PDE8B: variants seen among roughly 807,000 people sequenced by gnomAD.
PDE8B encodes phosphodiesterase 8B.
In PDE8B, 26 loss-of-function variants were observed where a neutral mutation model predicts 101.3. The ratio of observed to expected loss-of-function variants is 0.26; its 90% CI spans 0.19 to 0.36. The LOEUF is 0.36. PDE8B is among the 10% of genes least tolerant of loss of function. The pLI, the probability that PDE8B is intolerant of heterozygous loss-of-function variation, is 1.00. For missense variants in PDE8B, 810 were observed against 1,163.1 expected, an observed-to-expected ratio of 0.70 and a Z score of 4.42; for synonymous variants, 424 against 429.3, an observed-to-expected ratio of 0.99 and a Z score of 0.15.
chr5:77,378,979 A>G (rs1786914905), intron 10 of PDE8B, among the ~76,000 whole-genome samples: 2 of 149,752 alleles, frequency 1.3e-5, no homozygotes, highest in Non-Finnish European at 3.0e-5. Context: ...GAGAGAAACT[A>G]GACAAGAGAA....
the PDE8B span, among the ~76,000 whole-genome samples, chr5:77,133,504 G>A: frequency 2.0e-5 from 3 of 152,218 alleles, no homozygotes; most frequent in Admixed American, 6.5e-5. Flanking sequence ...ATTGATATTT[G>A]TAGTGAGGTA....
chr5:77,245,311 C>A (rs1335931972), intron 1 of PDE8B, among the ~76,000 whole-genome samples: 1 of 152,106 alleles, frequency 6.6e-6, no homozygotes, highest in Non-Finnish European at 1.5e-5. Context: ...AATAAAATAA[C>A]TTTGTTTTTT....
At chr5:77,363,045 G>A (rs1783423509) in intron 10 of PDE8B, among the ~76,000 whole-genome samples, 1 of 152,336 alleles carries the variant, frequency 6.6e-6, no homozygotes, top group Admixed American at 6.5e-5. Flanking sequence ...GGAGCTCATG[G>A]AAGAGCCTAT....
the PDE8B span, among the ~76,000 whole-genome samples, chr5:77,181,702 G>C: frequency 6.6e-6 from 1 of 152,186 alleles, no homozygotes; most frequent in Non-Finnish European, 1.5e-5. Context: ...TTCCATGGAC[G>C]GTCGGTCGGG....
chr5:77,406,184 C>CTGAG (rs1793395604), intron 12 of PDE8B, among the ~76,000 whole-genome samples: 1 of 152,170 alleles, frequency 6.6e-6, no homozygotes, highest in South Asian at 2.1e-4. Context: ...ACTCAGGAGG[C>CTGAG]TGAGGCATGG....
At chr5:77,284,524 T>G (rs1015620761) in intron 1 of PDE8B, among the ~76,000 whole-genome samples, 5 of 152,204 alleles carry the variant, frequency 3.3e-5, no homozygotes, top group African/African-American at 1.2e-4. Flanking sequence ...AACAAAAGTT[T>G]AAAAGTCATA....
chr5:77,385,421 T>C (rs1323996766), intron 10 of PDE8B, among the ~76,000 whole-genome samples: 1 of 149,698 alleles, frequency 6.7e-6, no homozygotes, highest in Non-Finnish European at 1.5e-5. Context: ...ATCCAGCTCC[T>C]GGATTCATTG....
the PDE8B span, among the ~76,000 whole-genome samples, chr5:77,138,587 T>C: frequency 6.6e-6 from 1 of 152,210 alleles, no homozygotes; most frequent in Non-Finnish European, 1.5e-5. Flanking sequence ...ATGGAGTTTA[T>C]TTAGGAAAAA....
In PDE8B at chr5:77,211,137, G is replaced by A; in HGVS notation, c.212G>A (p.Arg71His). Residue 71 changes from arginine (R) to histidine (H), a missense_variant, in exon 1 of 22, where the codon CGC (arginine) becomes CAC (histidine). By Grantham distance (29) the Arg-to-His change is conservative (BLOSUM62 0). Transcript: ENST00000264917. This position sits in a 1 kb window ranked among gnomAD's most constrained non-coding sequence, Gnocchi z 4.1. The stretch of plus-strand genomic sequence containing the variant: ...AGCGTAGCCCGCGTCCGCAGGGCCC[G>A]CACCGAGCTGGGCAGCGGTAGCAGC... ...PPSVARVRRA[R>H]TELGSGSSAG... 1.3e-6 allele frequency: 2 copies of A among 1,523,230 alleles called. No homozygotes were observed. The highest frequency in any genetic ancestry group is 1.2e-5 in the South Asian group (1 of 83,070). 94.4% of individuals were successfully genotyped at this position (1,523,230 alleles called of 1,614,324 possible). A position where few individuals can be genotyped will look rare whatever the true frequency, so the allele number is the denominator to read the frequency against.
At chr5:77,190,668 A>G in the PDE8B span, among the ~76,000 whole-genome samples, 2 of 152,204 alleles carry the variant, frequency 1.3e-5, no homozygotes, top group African/African-American at 2.4e-5. Flanking sequence ...ACTGGTGTCA[A>G]TCATGGCTTT....
At chr5:77,407,150 G>A (rs1793637383) in intron 12 of PDE8B, among the ~76,000 whole-genome samples, 1 of 152,138 alleles carries the variant, frequency 6.6e-6, no homozygotes, top group Non-Finnish European at 1.5e-5. Flanking sequence ...TGGACTTGGG[G>A]CTCAGCAAGC....
At chr5:77,426,198 A>G in intron 21 of PDE8B, 1 of 594,606 alleles carries the variant, frequency 1.7e-6, no homozygotes, top group Non-Finnish European at 3.0e-6. Flanking sequence ...AACTCTAGAA[A>G]GAATGCAAAA....
At chr5:77,341,380 G>A (rs1357309581) in intron 6 of PDE8B, among the ~76,000 whole-genome samples, 3 of 152,092 alleles carry the variant, frequency 2.0e-5, no homozygotes, top group Admixed American at 2.0e-4. Flanking sequence ...ATGCTTTGTG[G>A]ATAATCATAA....
At chr5:77,301,299 A>T (rs1186145980) in intron 1 of PDE8B, among the ~76,000 whole-genome samples, 1 of 152,226 alleles carries the variant, frequency 6.6e-6, no homozygotes, top group Admixed American at 6.5e-5. Context: ...TATAATTGAA[A>T]TCCACAGGAA....
chr5:77,215,695 G>T (rs1177760236), intron 1 of PDE8B, among the ~76,000 whole-genome samples: 1 of 152,190 alleles, frequency 6.6e-6, no homozygotes, highest in African/African-American at 2.4e-5. Flanking sequence ...GTGAGGGCAG[G>T]GCAGATTCTG....
At chr5:77,218,046 G>A (rs754358224) in intron 1 of PDE8B, among the ~76,000 whole-genome samples, 4 of 152,110 alleles carry the variant, frequency 2.6e-5, no homozygotes, top group Non-Finnish European at 4.4e-5. Context: ...TCCTGAAGTA[G>A]GATTAGCCTA....
At chr5:77,136,883 A>C in the PDE8B span, among the ~76,000 whole-genome samples, 5 of 152,154 alleles carry the variant, frequency 3.3e-5, no homozygotes, top group African/African-American at 1.2e-4. Flanking sequence ...GGTTTTCATC[A>C]CTTTTTTTGG....
the PDE8B span, among the ~76,000 whole-genome samples, chr5:77,169,259 A>G: frequency 3.3e-5 from 5 of 152,202 alleles, no homozygotes; most frequent in Non-Finnish European, 4.4e-5. Flanking sequence ...AGAGAGCATA[A>G]TAGCAGGGGC....
the PDE8B span, among the ~76,000 whole-genome samples, chr5:77,101,978 TA>T: frequency 6.6e-6 from 1 of 152,198 alleles, no homozygotes; most frequent in South Asian, 2.1e-4. Context: ...TGAACGTACT[TA>T]ATGCCACCAA....
Sources: allele counts gnomAD v4.1 joint callset (sites outside exome capture counted in the v4.1 genomes callset), GRCh38; gene constraint gnomAD v4.1.1; non-coding constraint Gnocchi (gnomAD v3.1); transcripts MANE v1.5; gene names NCBI Gene and HGNC (gene_info 2026-07-23, HGNC 2026-07-21).